The following FMN2 variants were observed in gnomAD, a reference collection of about 807,000 sequenced individuals.
FMN2 encodes formin 2.
Under a neutral mutation model 142.3 loss-of-function variants are expected in FMN2, and 51 were observed. The observed-to-expected ratio is 0.36, with a 90% CI of 0.29 to 0.45. FMN2 has a LOEUF of 0.45. FMN2 is among the 20% of genes least tolerant of loss of function. The pLI is 1.00. For synonymous variants in FMN2, 882 were observed against 869.8 expected (o/e 1.01, Z -0.25); for missense variants, 1,936 against 2,122.8 (o/e 0.91, Z 1.73).
intron 6 of FMN2, among the ~76,000 whole-genome samples, chr1:240,225,871 A>T (rs1375270684): frequency 6.6e-6 from 1 of 152,176 alleles, no homozygotes; most frequent in Non-Finnish European, 1.5e-5. Flanking sequence ...GACATTATAA[A>T]ATAATTCTAG....
At chr1:240,413,569 G>A (rs977541107) in intron 15 of FMN2, among the ~76,000 whole-genome samples, 1 of 152,124 alleles carries the variant, frequency 6.6e-6, no homozygotes, top group Non-Finnish European at 1.5e-5. Flanking sequence ...AGAAGGGCTT[G>A]TTTCCTTTGG....
chr1:240,170,381 G>T, intron 2 of FMN2: 1 of 1,196,492 alleles, frequency 8.4e-7, no homozygotes. Context: ...GAAGGTGCTG[G>T]AATTGTGGGA....
intron 1 of FMN2, among the ~76,000 whole-genome samples, chr1:240,115,692 A>G (rs1661993531): frequency 6.6e-6 from 1 of 152,154 alleles, no homozygotes. Context: ...AGCCAACCCC[A>G]AAACTGGGGT....
rs1417997863 is a variant in FMN2 at position 240,091,895 on chromosome 1, G to A, written c.-215G>A. 10 of 753,958 alleles carry A rather than the reference G, an allele frequency of 1.3e-5. No homozygotes were observed. Among genetic ancestry groups the A allele is most frequent in the Non-Finnish European group, 1.9e-5 (10 of 521,360 alleles). 46.7% of individuals were successfully genotyped at this position (753,958 alleles called of 1,614,324 possible). A position where few individuals can be genotyped will look rare whatever the true frequency, so the allele number is the denominator to read the frequency against. On this transcript the variant is annotated 5_prime_UTR_variant, in exon 1 of 18. Transcript: ENST00000319653. ...CCGGCCCCTAGCCGCAGCCGCAGCCGCAGCGACGGCAGCCACGGGAGCCGC... is the reference window on the plus strand; with the variant it reads ...CCGGCCCCTAGCCGCAGCCGCAGCCACAGCGACGGCAGCCACGGGAGCCGC...
rs137931700 is a variant in FMN2, at chr1:240,100,447, A to G, written c.1615+6723A>G. On this transcript the variant is annotated intron_variant, in intron 1 of 17. Transcript: ENST00000319653. Reference sequence around the variant, plus strand: ...AGTTATTAGATATCATTTTAGTGACAGTAGAAACTTTCTAAGGCTTTTTTA... The same window carrying G: ...AGTTATTAGATATCATTTTAGTGACGGTAGAAACTTTCTAAGGCTTTTTTA... Among the ~76,000 whole-genome samples the G allele has an allele frequency of 3.3e-5, 5 of 152,356 alleles. No homozygotes were observed. The East Asian group carries it at 9.6e-4, about 29-fold the overall frequency.
Position 240,180,566 on chromosome 1 carries a change from C to CTTTCTTTTT in FMN2, c.1930+2501_1930+2502insCTTTTTTTT, listed in dbSNP as rs377033509. ...ATCCACTGTATATAACACATGACCC[C>CTTTCTTTTT]TTTTTTTTTTTTTTTTTTTTAATGG... On this transcript the variant is annotated intron_variant, in intron 3 of 17. Coordinates refer to ENST00000319653, the MANE Select transcript of FMN2 (RefSeq NM_020066.5). Among the ~76,000 whole-genome samples, 6 of 126,190 alleles carry CTTTCTTTTT rather than the reference C, an allele frequency of 4.8e-5. 1 individual carries two copies. Among genetic ancestry groups the CTTTCTTTTT allele is most frequent in the Non-Finnish European group, 8.2e-5 (5 of 61,192 alleles). The allele number at this position is 126,190 out of a possible 152,430, so 82.8% of individuals were successfully genotyped here.
intron 14 of FMN2, among the ~76,000 whole-genome samples, chr1:240,364,132 A>G (rs545334442): frequency 4.6e-5 from 7 of 152,254 alleles, no homozygotes; most frequent in Non-Finnish European, 8.8e-5. Context: ...TATTATCCTC[A>G]TTTTACGATG....
At chr1:240,182,322 T>G (rs1382103528) in intron 3 of FMN2, among the ~76,000 whole-genome samples, 10 of 152,208 alleles carry the variant, frequency 6.6e-5, no homozygotes, top group Non-Finnish European at 4.4e-5. Flanking sequence ...ATCCCTTCCC[T>G]TTCTTTGAAA....
chr1:240,208,999 C>G (rs188119574), intron 5 of FMN2, among the ~76,000 whole-genome samples: 23 of 152,108 alleles, frequency 1.5e-4, no homozygotes, highest in Non-Finnish European at 4.4e-5. Flanking sequence ...TGATATATCT[C>G]TTAAAGATTG....
At chr1:240,359,976 A>G (rs777624505) in intron 14 of FMN2, among the ~76,000 whole-genome samples, 4 of 152,334 alleles carry the variant, frequency 2.6e-5, no homozygotes, top group South Asian at 2.1e-4. Context: ...GCATAGGTCT[A>G]GCAACCCTTG....
At chr1:240,422,901 AT>A (rs1674819643) in intron 15 of FMN2, among the ~76,000 whole-genome samples, 1 of 152,100 alleles carries the variant, frequency 6.6e-6, no homozygotes, top group African/African-American at 2.4e-5. Flanking sequence ...TGTCACTTAG[AT>A]TTTCAAACTT....
At chr1:240,362,329 T>C (rs1231382341) in intron 14 of FMN2, among the ~76,000 whole-genome samples, 1 of 152,212 alleles carries the variant, frequency 6.6e-6, no homozygotes, top group African/African-American at 2.4e-5. Flanking sequence ...TTTTTGTGCA[T>C]GTGAGATGAA....
chr1:240,418,998 C>T (rs1402742635), intron 15 of FMN2, among the ~76,000 whole-genome samples: 1 of 152,160 alleles, frequency 6.6e-6, no homozygotes, highest in Admixed American at 6.5e-5. Flanking sequence ...ATCCCAGCTA[C>T]TTGGGAGGCT....
At chr1:240,296,438 C>CTTTTTTTTTTTTTTTTTTTTTTTTTTTTT (rs772711130) in intron 8 of FMN2, among the ~76,000 whole-genome samples, 2 of 46,910 alleles carry the variant, frequency 4.3e-5, no homozygotes, top group Non-Finnish European at 7.2e-5. Flanking sequence ...TCTTTGAGTG[C>CTTTTTTTTTTTTTTTTTTTTTTTTTTTTT]TTTTTTTTTT....
At chr1:240,135,169 A>G (rs1316515916) in intron 2 of FMN2, among the ~76,000 whole-genome samples, 1 of 152,172 alleles carries the variant, frequency 6.6e-6, no homozygotes, top group Non-Finnish European at 1.5e-5. Flanking sequence ...AGGGACCTCC[A>G]TTTCATCTAG....
intron 14 of FMN2, among the ~76,000 whole-genome samples, chr1:240,378,538 C>A (rs1018249557): frequency 6.6e-6 from 1 of 152,010 alleles, no homozygotes; most frequent in East Asian, 1.9e-4. Context: ...TGAACCTTAT[C>A]CCCTCAGTGA....
intron 15 of FMN2, among the ~76,000 whole-genome samples, chr1:240,435,416 C>T (rs533043098): frequency 6.6e-6 from 1 of 151,366 alleles, no homozygotes; most frequent in Non-Finnish European, 1.5e-5. Context: ...AGAACATGAT[C>T]ACATGAGAAT....
At chr1:240,342,523 G>T (rs945882763) in intron 13 of FMN2, among the ~76,000 whole-genome samples, 1 of 152,036 alleles carries the variant, frequency 6.6e-6, no homozygotes, top group Middle Eastern at 3.2e-3. Flanking sequence ...TTTAAAAGTT[G>T]TATCTCTGGT....
chr1:240,427,020 G>C (rs545492559), intron 15 of FMN2, among the ~76,000 whole-genome samples: 1 of 151,664 alleles, frequency 6.6e-6, no homozygotes, highest in South Asian at 2.1e-4. Context: ...GATCGCAAGC[G>C]TGAGCTACCG....
Sources: allele counts gnomAD v4.1 joint callset (sites outside exome capture counted in the v4.1 genomes callset), GRCh38; gene constraint gnomAD v4.1.1; transcripts MANE v1.5; gene names NCBI Gene and HGNC (gene_info 2026-07-23, HGNC 2026-07-21).